Variants in SSTR2 observed in about 807,000 individuals in gnomAD.
SSTR2 encodes the protein somatostatin receptor 2.
In SSTR2, 10 loss-of-function variants were observed where a neutral mutation model predicts 21.4. The ratio of observed to expected loss-of-function variants is 0.47; its 90% confidence interval spans 0.29 to 0.79. SSTR2 has a LOEUF of 0.79. Among genes scored for constraint, SSTR2 ranks in the 30% least tolerant of loss-of-function variants. The pLI is 0.10. For synonymous variants in SSTR2, 177 were observed against 181.3 expected (o/e 0.98, Z 0.19); for missense variants, 364 against 468.8 (o/e 0.78, Z 2.06).
rs190901351 is a variant in SSTR2 at position 73,166,075 on chromosome 17, C to T, written c.-93+787C>T. Among the ~76,000 whole-genome samples, 143 of 152,298 alleles carry T rather than the reference C, an allele frequency of 9.4e-4. 1 individual carries two copies. The highest frequency in any genetic ancestry group is 3.2e-3 in the African/African-American group (131 of 41,562). The stretch of plus-strand genomic sequence containing the variant: ...GGGAAACCCTTGCTCTGAGGATCAG[C>T]GAGTTGGATGGCCAGGAGGAGGACT... On this transcript the variant is annotated intron_variant, in intron 1 of 1. Transcript: ENST00000357585.
intron 1 of SSTR2, chr17:73,168,266 C>T (rs1001641912): frequency 6.6e-6 from 1 of 152,194 alleles, no homozygotes; most frequent in Non-Finnish European, 1.5e-5. Context: ...GTACTGGAAG[C>T]CTTCTGCTTA....
rs2061233871 is a variant in SSTR2 at position 73,171,128 on chromosome 17, G to A, written c.*699G>A. On this transcript the variant is annotated 3_prime_UTR_variant, in exon 2 of 2. Coordinates refer to ENST00000357585, the MANE Select transcript of SSTR2 (RefSeq NM_001050.3). Reference sequence around the variant, plus strand: ...AAACCTTCTAGCCTCTGCCCTTGGGGATTTGCTTCATTAATTTCAGGCAAG... The same window carrying A: ...AAACCTTCTAGCCTCTGCCCTTGGGAATTTGCTTCATTAATTTCAGGCAAG... 5.8e-6 allele frequency: 1 copy of A among 171,912 alleles called. No homozygotes were observed. The highest frequency in any genetic ancestry group is 1.4e-5 in the Non-Finnish European group (1 of 71,002). The allele number at this position is 171,912 out of a possible 1,614,324, so 10.6% of individuals were successfully genotyped here. A position where few individuals can be genotyped will look rare whatever the true frequency, so the allele number is the denominator to read the frequency against.
intron 1 of SSTR2, chr17:73,168,251 T>C (rs1034782291): frequency 6.6e-6 from 1 of 152,204 alleles, no homozygotes; most frequent in Admixed American, 6.5e-5. Context: ...GAATGAATTA[T>C]ATCAGTACTG....
At chr17:73,165,950 C>CT (rs948272227) in intron 1 of SSTR2, among the ~76,000 whole-genome samples, 1 of 151,670 alleles carries the variant, frequency 6.6e-6, no homozygotes, top group Non-Finnish European at 1.5e-5. Flanking sequence ...GCGCCCCCCC[C>CT]CCACACCCGG....
rs1268210708 is a variant in SSTR2 at position 73,170,694 on chromosome 17, A to T, written c.*265A>T. On this transcript the variant is annotated 3_prime_UTR_variant, in exon 2 of 2. Coordinates refer to ENST00000357585, the MANE Select transcript of SSTR2 (RefSeq NM_001050.3). ...TCTGGAGAAGAGGGATCATGCCTGG[A>T]TATGATCTTTAGAAACAACAAAAAT... The T allele has an allele frequency of 1.5e-6, 1 of 648,966 alleles. No individual in the cohort carries two copies. The highest frequency in any genetic ancestry group is 2.9e-6 in the Non-Finnish European group (1 of 342,992). 40.2% of individuals were successfully genotyped at this position (648,966 alleles called of 1,614,324 possible). A position where few individuals can be genotyped will look rare whatever the true frequency, so the allele number is the denominator to read the frequency against.
intron 1 of SSTR2, among the ~76,000 whole-genome samples, chr17:73,168,561 A>C (rs1056574866): frequency 3.9e-5 from 6 of 152,250 alleles, no homozygotes; most frequent in African/African-American, 1.2e-4. Flanking sequence ...GATTTCAATA[A>C]ATCAGAGATA....
At position 73,174,719 on chromosome 17, in the gene SSTR2, C is replaced by T. The variant is rs1424566239; in HGVS notation, c.*4290C>T. On this transcript the variant is annotated 3_prime_UTR_variant, in exon 2 of 2. Transcript: ENST00000357585. Reference sequence around the variant, plus strand: ...TGGCTGAAGGTCTAGCAAATTAATGCTTGTCTTAGGTTACCTGTTGATTTA... The same window carrying T: ...TGGCTGAAGGTCTAGCAAATTAATGTTTGTCTTAGGTTACCTGTTGATTTA... 1.3e-5 allele frequency: 2 copies of T among 152,254 alleles called. No homozygotes were observed. The allele number at this position is 152,254 out of a possible 1,614,324, so 9.4% of individuals were successfully genotyped here. A position where few individuals can be genotyped will look rare whatever the true frequency, so the allele number is the denominator to read the frequency against.
At position 73,169,950 on chromosome 17, in the gene SSTR2, T is replaced by C; in HGVS notation, c.631T>C (p.Tyr211His). Residue 211 changes from tyrosine to histidine, a missense_variant, in exon 2 of 2, where the codon TAC (tyrosine) becomes CAC (histidine). Physicochemically the swap from Tyr to His is moderately conservative, Grantham distance 83 (BLOSUM62 2). This residue lies in a region of SSTR2 where 193 missense variants were observed against 273.1 expected (regional missense o/e 0.71). Coordinates refer to ENST00000357585, the MANE Select transcript of SSTR2 (RefSeq NM_001050.3). The surrounding 1 kb of genome is among the most constrained non-coding windows in gnomAD (Gnocchi z 5.2). ...GGCTTGGTACACAGGGTTCATCATC[T>C]ACACTTTCATTCTGGGGTTCCTGGT... The part of the protein sequence containing the change: ...SGAWYTGFII[Y>H]TFILGFLVPL... 6.2e-7 allele frequency: 1 copy of C among 1,607,112 alleles called. No individual in the cohort carries two copies. Among genetic ancestry groups the C allele is most frequent in the Non-Finnish European group, 8.5e-7 (1 of 1,175,510 alleles).
chr17:73,170,040 C>A lies in SSTR2; in HGVS notation c.721C>A (p.Arg241=), dbSNP rs757829784. The A allele has an allele frequency of 3.7e-6, 6 of 1,614,084 alleles. No homozygotes were observed. In the Admixed American group the frequency reaches 8.3e-5, roughly 22 times the overall value. ...CATCAAGGTGAAGTCCTCTGGAATC[C>A]GAGTGGGCTCCTCTAAGAGGAAGAA... ...IIIKVKSSGI[R]VGSSKRKKSE... The change falls in exon 2 of 2, where the codon CGA becomes AGA. Residue 241 remains arginine, a synonymous_variant. Transcript: ENST00000357585.
At chr17:73,165,335 T>TGA (rs1555721590) in intron 1 of SSTR2, 47 bp downstream of exon 1, 5,077 of 141,584 alleles carry the variant, frequency 0.036, 192 homozygotes, top group East Asian at 0.096. Context: ...TGTGTGTGTG[T>TGA]GATAAGAGAG....
At position 73,170,347 on chromosome 17, in the gene SSTR2, G is replaced by A. The variant is rs752083493; in HGVS notation, c.1028G>A (p.Ser343Asn). 1 of 1,614,050 alleles carries A rather than the reference G, an allele frequency of 6.2e-7. No individual in the cohort carries two copies. The change falls in exon 2 of 2, where the codon AGT becomes AAT. Residue 343 changes from serine (S) to asparagine (N), a missense_variant. This residue lies in a region of SSTR2 where 71 missense variants were observed against 53.8 expected (regional missense o/e 1.32). Transcript: ENST00000357585. ...ACAGATGATGGGGAGCGGAGTGACA[G>A]TAAGCAGGACAAATCCCGGCTGAAT... is the stretch of plus-strand genomic sequence containing the variant. ...SGTDDGERSD[S>N]KQDKSRLNET... is the part of the protein sequence containing the mutation.
rs771844709 is a variant in SSTR2, at chr17:73,169,848, A to G, written c.529A>G (p.Ile177Val). 2 of 1,614,144 alleles carry G rather than the reference A, an allele frequency of 1.2e-6. 1 individual carries two copies. Among genetic ancestry groups the G allele is most frequent in the South Asian group, 2.2e-5 (2 of 91,078 alleles). ...AGTCTCTCTGCTGGTCATCTTGCCC[A>G]TCATGATATATGCTGGGCTCCGGAG... ...WGVSLLVILP[I>V]MIYAGLRSNQ... Residue 177 changes from isoleucine (I) to valine (V), a missense_variant, in exon 2 of 2, where the codon ATC (isoleucine) becomes GTC (valine). Ile to Val is a conservative substitution (Grantham distance 29). Coordinates refer to ENST00000357585, the MANE Select transcript of SSTR2 (RefSeq NM_001050.3). This position sits in a 1 kb window ranked among gnomAD's most constrained non-coding sequence, Gnocchi z 5.2.
At position 73,170,021 on chromosome 17, in the gene SSTR2, G is replaced by A; in HGVS notation, c.702G>A (p.Lys234=). 1 of 1,613,926 alleles carries A rather than the reference G, an allele frequency of 6.2e-7. No individual in the cohort carries two copies. The highest frequency in any genetic ancestry group is 8.5e-7 in the Non-Finnish European group (1 of 1,179,856). Residue 234 remains lysine (K), a synonymous_variant, in exon 2 of 2, where the codon AAG becomes AAA. Coordinates refer to ENST00000357585, the MANE Select transcript of SSTR2 (RefSeq NM_001050.3). ...TTTGCTACCTGTTCATTATCATCAAGGTGAAGTCCTCTGGAATCCGAGTGG... is the reference window on the plus strand; with the variant it reads ...TTTGCTACCTGTTCATTATCATCAAAGTGAAGTCCTCTGGAATCCGAGTGG... ...ICLCYLFIII[K]VKSSGIRVGS...
chr17:73,167,533 G>A (rs2061220230), intron 1 of SSTR2, among the ~76,000 whole-genome samples: 1 of 152,214 alleles, frequency 6.6e-6, no homozygotes, highest in Non-Finnish European at 1.5e-5. Flanking sequence ...TCAGCCAAGT[G>A]AATTAGTCCC....
At position 73,170,203 on chromosome 17, in the gene SSTR2, A is replaced by C. The variant is rs769652657; in HGVS notation, c.884A>C (p.Asp295Ala). 2 of 1,613,858 alleles carry C rather than the reference A, an allele frequency of 1.2e-6. No individual in the cohort carries two copies. The highest frequency in any genetic ancestry group is 1.7e-6 in the Non-Finnish European group (2 of 1,180,014). Residue 295 changes from aspartate to alanine, a missense_variant, in exon 2 of 2, where the codon GAC becomes GCC. Around this residue, in one of 4 missense-constraint regions of SSTR2, gnomAD observed 193 missense variants for 273.1 expected, o/e 0.71. Coordinates refer to ENST00000357585, the MANE Select transcript of SSTR2 (RefSeq NM_001050.3). ...ACCCCAGCCCTTAAAGGCATGTTTGACTTTGTGGTGGTCCTCACCTATGCT... is the reference window on the plus strand; with the variant it reads ...ACCCCAGCCCTTAAAGGCATGTTTGCCTTTGTGGTGGTCCTCACCTATGCT... The part of the protein sequence containing the change: ...SPTPALKGMF[D>A]FVVVLTYANS...
At position 73,169,827 on chromosome 17, in the gene SSTR2, T is replaced by G; in HGVS notation, c.508T>G (p.Ser170Ala). ...KMITMAVWGV[S>A]LLVILPIMIY... ...GATCACCATGGCTGTGTGGGGAGTC[T>G]CTCTGCTGGTCATCTTGCCCATCAT... Residue 170 changes from serine (S) to alanine (A), a missense_variant, in exon 2 of 2, where the codon TCT becomes GCT. Ser to Ala is a moderately conservative substitution (Grantham distance 99). Coordinates refer to ENST00000357585, the MANE Select transcript of SSTR2 (RefSeq NM_001050.3). The surrounding 1 kb of genome is among the most constrained non-coding windows in gnomAD (Gnocchi z 5.2). 1 of 1,614,164 alleles carries G rather than the reference T, an allele frequency of 6.2e-7. No individual in the cohort carries two copies. The highest frequency in any genetic ancestry group is 8.5e-7 in the Non-Finnish European group (1 of 1,180,020).
chr17:73,170,618 G>A lies in SSTR2; in HGVS notation c.*189G>A, dbSNP rs2061231953. 1 of 777,770 alleles carries A rather than the reference G, an allele frequency of 1.3e-6. No individual in the cohort carries two copies. 48.2% of individuals were successfully genotyped at this position (777,770 alleles called of 1,614,324 possible). A position where few individuals can be genotyped will look rare whatever the true frequency, so the allele number is the denominator to read the frequency against. On this transcript the variant is annotated 3_prime_UTR_variant, in exon 2 of 2. Transcript: ENST00000357585. ...TGATTGAATGATAATGTGCTAAATT[G>A]ATTACCTCCCCCTTAAAGCGAACAC... is the stretch of plus-strand genomic sequence containing the variant.
At position 73,173,160 on chromosome 17, in the gene SSTR2, T is replaced by C. The variant is rs2061240147; in HGVS notation, c.*2731T>C. 6.6e-6 allele frequency: 1 copy of C among 151,372 alleles called. No individual in the cohort carries two copies. The highest frequency in any genetic ancestry group is 2.4e-5 in the African/African-American group (1 of 40,984). 9.4% of individuals were successfully genotyped at this position (151,372 alleles called of 1,614,324 possible). On this transcript the variant is annotated 3_prime_UTR_variant, in exon 2 of 2. Transcript: ENST00000357585. ...TGGAGATTGCGGTGAGCTGAGATCG[T>C]GCCATTGCACTCCAGCCTGGGCAAC...
chr17:73,169,779 A>G lies in SSTR2; in HGVS notation c.460A>G (p.Arg154Gly). 1 of 1,614,156 alleles carries G rather than the reference A, an allele frequency of 6.2e-7. No homozygotes were observed. Among genetic ancestry groups the G allele is most frequent in the Non-Finnish European group, 8.5e-7 (1 of 1,180,012 alleles). The change falls in exon 2 of 2, where the codon AGG becomes GGG. Residue 154 changes from arginine (R) to glycine (G), a missense_variant. Coordinates refer to ENST00000357585, the MANE Select transcript of SSTR2 (RefSeq NM_001050.3). The surrounding 1 kb of genome is among the most constrained non-coding windows in gnomAD (Gnocchi z 5.2). ...VVHPIKSAKW[R>G]RPRTAKMITM... ...CCACCCCATCAAGTCGGCCAAGTGG[A>G]GGAGACCCCGGACGGCCAAGATGAT...
Sources: allele counts gnomAD v4.1 joint callset (sites outside exome capture counted in the v4.1 genomes callset), GRCh38; gene constraint gnomAD v4.1.1; regional missense constraint gnomAD v4.1.1; non-coding constraint Gnocchi (gnomAD v3.1); transcripts MANE v1.5; gene names NCBI Gene and HGNC (gene_info 2026-07-23, HGNC 2026-07-21).